Variants in ZSWIM5 observed in about 807,000 individuals in gnomAD.
ZSWIM5 encodes the protein zinc finger SWIM-type containing 5.
Under a neutral mutation model 119.6 loss-of-function variants are expected in ZSWIM5, and 55 were observed. The ratio of observed to expected loss-of-function variants is 0.46; its 90% CI spans 0.37 to 0.58. The LOEUF (loss-of-function observed/expected upper bound fraction) is 0.58. Among genes scored for constraint, ZSWIM5 ranks in the 20% least tolerant of loss-of-function variants. ZSWIM5 has a pLI of 0.00. For missense variants in ZSWIM5, 1,193 were observed against 1,512.8 expected, an observed-to-expected ratio of 0.79 and a Z score of 3.51; for synonymous variants, 537 against 606.9, an observed-to-expected ratio of 0.88 and a Z score of 1.69.
intron 1 of ZSWIM5, among the ~76,000 whole-genome samples, chr1:45,193,066 G>C (rs1437127425): frequency 6.6e-6 from 1 of 152,042 alleles, no homozygotes; most frequent in Non-Finnish European, 1.5e-5. Context: ...AAGCAGTTCG[G>C]TTTTGAGTGG....
intron 8 of ZSWIM5, among the ~76,000 whole-genome samples, chr1:45,038,720 C>T (rs936453124): frequency 5.4e-5 from 8 of 147,476 alleles, no homozygotes; most frequent in Non-Finnish European, 8.9e-5. Flanking sequence ...GATCCTACTG[C>T]CTCAGCCCCG....
At chr1:45,126,865 G>A (rs1323573234) in intron 1 of ZSWIM5, among the ~76,000 whole-genome samples, 1 of 152,142 alleles carries the variant, frequency 6.6e-6, no homozygotes, top group Non-Finnish European at 1.5e-5. Flanking sequence ...AAGAGATGGG[G>A]TCTCACTCTG....
chr1:45,196,034 G>GTT (rs34236930), intron 1 of ZSWIM5, among the ~76,000 whole-genome samples: 1,851 of 103,902 alleles, frequency 0.018, 39 homozygotes, highest in African/African-American at 0.031. Context: ...CACCCAGCTA[G>GTT]TTTTTTTTTT....
rs1320860921 is a variant in ZSWIM5 at position 45,033,584 on chromosome 1, CT to C, written c.2449+727del. Among the ~76,000 whole-genome samples, 3 of 145,238 alleles carry C rather than the reference CT, an allele frequency of 2.1e-5. No individual in the cohort carries two copies. In the East Asian group the frequency reaches 6.2e-4, roughly 30 times the overall value. On this transcript the variant is annotated intron_variant, in intron 11 of 13. Transcript: ENST00000359600. The stretch of plus-strand genomic sequence containing the variant: ...CTGAGAATCACTTTGGACTGCCTAT[CT>C]TTTACCAGGGCACTGAAAAAAAAAT...
rs1646055911 is a variant in ZSWIM5, at chr1:45,185,996, C to G, written c.595+19760G>C. 3.9e-5 allele frequency among the ~76,000 whole-genome samples: 6 copies of G among 152,128 alleles called. No individual in the cohort carries two copies. The South Asian group carries it at 1.2e-3, about 32-fold the overall frequency. ...ATTCACAATAGCAAACACTTGGAAC[C>G]AACCCAAATGTCCAACAATGATAGA... On this transcript the variant is annotated intron_variant, in intron 1 of 13. Transcript: ENST00000359600.
chr1:45,144,951 G>A (rs1422613629), intron 1 of ZSWIM5, among the ~76,000 whole-genome samples: 2 of 151,910 alleles, frequency 1.3e-5, no homozygotes, highest in Non-Finnish European at 2.9e-5. Flanking sequence ...GATAGAAAAC[G>A]AACTCTAAAA....
rs577596650 is a variant in ZSWIM5, at chr1:45,120,282, C to T, written c.596-32045G>A. ...TCACTTGAACCCCGGAGGGGGAGGT[C>T]GCAGTGAGCCGCCACCACACTCCAG... On this transcript the variant is annotated intron_variant, in intron 1 of 13. Transcript: ENST00000359600. 7.2e-5 allele frequency among the ~76,000 whole-genome samples: 11 copies of T among 152,178 alleles called. No individual in the cohort carries two copies. The South Asian group carries it at 2.3e-3, about 32-fold the overall frequency.
intron 5 of ZSWIM5, among the ~76,000 whole-genome samples, chr1:45,047,939 C>T (rs929052197): frequency 2.0e-5 from 3 of 152,052 alleles, no homozygotes; most frequent in African/African-American, 4.8e-5. Context: ...AAAGATGGCA[C>T]AGACTAGGGA....
intron 2 of ZSWIM5, among the ~76,000 whole-genome samples, chr1:45,086,762 C>A (rs1426717671): frequency 2.0e-5 from 3 of 151,824 alleles, no homozygotes; most frequent in Non-Finnish European, 2.9e-5. Context: ...GCACATGTAC[C>A]CCAGAACTTA....
chr1:45,024,192 C>CTT lies in ZSWIM5; in HGVS notation c.2450-3406_2450-3405dup, dbSNP rs59909524. Among the ~76,000 whole-genome samples, 338 of 129,430 alleles carry CTT rather than the reference C, an allele frequency of 2.6e-3. 6 individuals carry two copies. The highest frequency in any genetic ancestry group is 8.6e-3 in the Middle Eastern group (2 of 232). The allele number at this position is 129,430 out of a possible 152,430, so 84.9% of individuals were successfully genotyped here. A position where few individuals can be genotyped will look rare whatever the true frequency, so the allele number is the denominator to read the frequency against. ...TAACAGTTTTTCTTTCTTTTCTTTT[C>CTT]TTTTTTTTTTTTTTTGAGACGGAGT... On this transcript the variant is annotated intron_variant, in intron 11 of 13. Coordinates refer to ENST00000359600, the MANE Select transcript of ZSWIM5 (RefSeq NM_020883.2).
intron 1 of ZSWIM5, among the ~76,000 whole-genome samples, chr1:45,100,948 C>T (rs1255458892): frequency 1.3e-5 from 2 of 152,102 alleles, no homozygotes; most frequent in African/African-American, 2.4e-5. Flanking sequence ...ATAAAAACCA[C>T]AGAAGAAAAC....
Position 45,034,236 on chromosome 1 carries a change from C to T in ZSWIM5, c.2449+76G>A, listed in dbSNP as rs1644969305. The T allele has an allele frequency of 3.4e-6, 5 of 1,470,380 alleles. No individual in the cohort carries two copies. In the South Asian group the frequency reaches 5.7e-5, roughly 17 times the overall value. 91.1% of individuals were successfully genotyped at this position (1,470,380 alleles called of 1,614,324 possible). ...GGAGCTTCTCTTTCTCAGGAGACTGCAGGCCAAGCCTTTGACATGCCATGG... is the reference window on the plus strand; with the variant it reads ...GGAGCTTCTCTTTCTCAGGAGACTGTAGGCCAAGCCTTTGACATGCCATGG... On this transcript the variant is annotated intron_variant, in intron 11 of 13. Transcript: ENST00000359600.
chr1:45,178,055 G>T (rs1412389948), intron 1 of ZSWIM5, among the ~76,000 whole-genome samples: 1 of 151,906 alleles, frequency 6.6e-6, no homozygotes, highest in Non-Finnish European at 1.5e-5. Context: ...TTATCTAAGG[G>T]ACTTAAGCAT....
intron 2 of ZSWIM5, among the ~76,000 whole-genome samples, chr1:45,066,037 G>A (rs1025144145): frequency 2.0e-5 from 2 of 98,450 alleles, no homozygotes; most frequent in Admixed American, 1.6e-4. Context: ...AACAGTCCCC[G>A]GAGTGTGATG....
At chr1:45,069,277 T>G (rs1444186058) in intron 2 of ZSWIM5, among the ~76,000 whole-genome samples, 2 of 151,824 alleles carry the variant, frequency 1.3e-5, no homozygotes, top group African/African-American at 4.8e-5. Context: ...ATACAAAAAA[T>G]TAGCCGGGCG....
At chr1:45,082,184 C>T (rs531978345) in intron 2 of ZSWIM5, among the ~76,000 whole-genome samples, 31 of 151,746 alleles carry the variant, frequency 2.0e-4, no homozygotes, top group Non-Finnish European at 2.2e-4. Context: ...GGGACACAAA[C>T]GCTGCGGAAG....
chr1:45,083,329 C>A lies in ZSWIM5; in HGVS notation c.952+4552G>T, dbSNP rs569900855. Among the ~76,000 whole-genome samples the A allele has an allele frequency of 5.3e-5, 8 of 152,160 alleles. No homozygotes were observed. The East Asian group carries it at 1.5e-3, about 29-fold the overall frequency. The stretch of plus-strand genomic sequence containing the variant: ...ACAGTAGCATGATCACTGTTCATTG[C>A]AGCCTTGACATCCTGGGCTCAAGCA... On this transcript the variant is annotated intron_variant, in intron 2 of 13. Transcript: ENST00000359600.
In ZSWIM5 at chr1:45,205,768, C is replaced by G; in HGVS notation, c.583G>C (p.Val195Leu). 6.4e-7 allele frequency: 1 copy of G among 1,567,380 alleles called. No homozygotes were observed. The change falls in exon 1 of 14, where the codon GTG becomes CTG. Residue 195 changes from valine to leucine, a missense_variant. This residue lies in a region of ZSWIM5 where 961 missense variants were observed against 1,290.0 expected (regional missense o/e 0.74). Transcript: ENST00000359600. Reference sequence around the variant, plus strand: ...GACGAGCACATACCGACTTGCAGCACGTTCTCCACGGAGCCGCTGTCCAGC... The same window carrying G: ...GACGAGCACATACCGACTTGCAGCAGGTTCTCCACGGAGCCGCTGTCCAGC... ...RLLDSGSVEN[V>L]LQVGFHLSGT...
intron 11 of ZSWIM5, among the ~76,000 whole-genome samples, chr1:45,022,248 A>G (rs915587636): frequency 6.6e-6 from 1 of 150,990 alleles, no homozygotes; most frequent in Non-Finnish European, 1.5e-5. Context: ...CTCCTGCCTC[A>G]GCCTCCCGCG....
Sources: gnomAD v4.1 joint callset for allele counts (sites outside exome capture counted in the v4.1 genomes callset) on GRCh38, gnomAD v4.1.1 for gene constraint, gnomAD v4.1.1 regional missense constraint, MANE v1.5 for transcripts, NCBI Gene and HGNC (gene_info 2026-07-23, HGNC 2026-07-21) for gene names.